ADGRA2: variants seen among roughly 807,000 people sequenced by gnomAD.
ADGRA2 encodes the protein G-protein coupled receptor 124.
ADGRA2 carries 61 observed loss-of-function variants against 98.7 expected under a neutral mutation model. That is an observed-to-expected ratio of 0.62 (90% CI 0.50 to 0.76). The LOEUF (loss-of-function observed/expected upper bound fraction) is 0.76. Among genes scored for constraint, ADGRA2 ranks in the 30% least tolerant of loss-of-function variants. ADGRA2 has a pLI of 0.00. For synonymous variants in ADGRA2, 858 were observed against 831.5 expected, an observed-to-expected ratio of 1.03 and a Z score of -0.55; for missense variants, 1,712 against 1,860.0, an observed-to-expected ratio of 0.92 and a Z score of 1.46.
chr8:37,835,638 G>T lies in ADGRA2; in HGVS notation c.1918G>T (p.Asp640Tyr), dbSNP rs781749311. ...PAALAPPVPPDCTLQLLVFRN... is the reference protein window; with the variant it reads ...PAALAPPVPPYCTLQLLVFRN... ...TGCCCTGGCTCCCCCGGTGCCCCCA[G>T]ACTGCACCCTGCAACTGCTCGTCTT... The change falls in exon 13 of 19, where the codon GAC becomes TAC. Residue 640 changes from aspartate (D) to tyrosine (Y), a missense_variant. Asp to Tyr is a radical substitution (Grantham distance 160). Transcript: ENST00000412232. 1 of 1,613,634 alleles carries T rather than the reference G, an allele frequency of 6.2e-7. No homozygotes were observed. The highest frequency in any genetic ancestry group is 1.7e-5 in the Admixed American group (1 of 60,018).
At position 37,830,415 on chromosome 8, in the gene ADGRA2, A is replaced by G. The variant is rs1279028391; in HGVS notation, c.719-295A>G. Among the ~76,000 whole-genome samples, 1 of 151,942 alleles carries G rather than the reference A, an allele frequency of 6.6e-6. No individual in the cohort carries two copies. Among genetic ancestry groups the G allele is most frequent in the Non-Finnish European group, 1.5e-5 (1 of 67,988 alleles). On this transcript the variant is annotated intron_variant, in intron 6 of 18. Coordinates refer to ENST00000412232, the MANE Select transcript of ADGRA2 (RefSeq NM_032777.10). This position sits in a 1 kb window ranked among gnomAD's most constrained non-coding sequence, Gnocchi z 4.8. ...CTCGGTGTCCCGGGGTCAGTCCTCC[A>G]TCAGCTTTTCTAAGCCCCCTTGGGA... is the stretch of plus-strand genomic sequence containing the variant.
chr8:37,803,631 G>A (rs754866917), intron 1 of ADGRA2, among the ~76,000 whole-genome samples: 1 of 152,102 alleles, frequency 6.6e-6, no homozygotes, highest in Non-Finnish European at 1.5e-5. Flanking sequence ...TTGCTTTCAG[G>A]ACTGGGTTAT....
In ADGRA2 at chr8:37,813,400, C is replaced by T. The variant is rs140170134; in HGVS notation, c.267-1496C>T. Reference sequence around the variant, plus strand: ...GAAGTGAAATAAAACTATCCTAACTCATAAAATGAGAATAATAAATAAAAT... The same window carrying T: ...GAAGTGAAATAAAACTATCCTAACTTATAAAATGAGAATAATAAATAAAAT... On this transcript the variant is annotated intron_variant, in intron 1 of 18. Transcript: ENST00000412232. 4.1e-4 allele frequency among the ~76,000 whole-genome samples: 63 copies of T among 152,254 alleles called. 1 individual carries two copies. In the East Asian group the frequency reaches 0.011, roughly 28 times the overall value.
chr8:37,826,571 T>A (rs990954301), intron 2 of ADGRA2, among the ~76,000 whole-genome samples: 1 of 151,978 alleles, frequency 6.6e-6, no homozygotes, highest in African/African-American at 2.4e-5. Flanking sequence ...GCCGGCTGAG[T>A]CCTTCGAGTC....
At chr8:37,828,830 G>A in intron 2 of ADGRA2, 58 bp from the exon 3 acceptor site, 1 of 1,404,648 alleles carries the variant, frequency 7.1e-7, no homozygotes, top group Non-Finnish European at 9.8e-7. Flanking sequence ...ACCCCTCCCG[G>A]GGAGCAGGGC....
chr8:37,831,281 A>G lies in ADGRA2; in HGVS notation c.933-142A>G, dbSNP rs575277919. 1.2e-5 allele frequency: 9 copies of G among 728,338 alleles called. No homozygotes were observed. In the African/African-American group the frequency reaches 1.6e-4, roughly 13 times the overall value. 45.1% of individuals were successfully genotyped at this position (728,338 alleles called of 1,614,324 possible). A position where few individuals can be genotyped will look rare whatever the true frequency, so the allele number is the denominator to read the frequency against. ...AAAACAGTATCATAAGGCCAATCAG[A>G]ATAAAAGGAGTGCATACTTGCATCC... is the stretch of plus-strand genomic sequence containing the variant. On this transcript the variant is annotated intron_variant, in intron 7 of 18. Transcript: ENST00000412232.
rs1472664602 is a variant in ADGRA2 at position 37,834,093 on chromosome 8, G to A, written c.1573G>A (p.Ala525Thr). Residue 525 changes from alanine (A) to threonine (T), a missense_variant, in exon 11 of 19, where the codon GCC becomes ACC. Physicochemically the swap from Ala to Thr is moderately conservative, Grantham distance 58. Transcript: ENST00000412232. The surrounding 1 kb of genome is among the most constrained non-coding windows in gnomAD (Gnocchi z 4.2). ...GGGTGCCCTGGAGCGCATTGGGGGGGCCGCCCTCAGCCCCCATGCCCAGCA... is the reference window on the plus strand; with the variant it reads ...GGGTGCCCTGGAGCGCATTGGGGGGACCGCCCTCAGCCCCCATGCCCAGCA... ...IVGALERIGG[A>T]ALSPHAQHIS... 8 of 1,612,272 alleles carry A rather than the reference G, an allele frequency of 5.0e-6. No homozygotes were observed. Among genetic ancestry groups the A allele is most frequent in the East Asian group, 2.2e-5 (1 of 44,880 alleles).
intron 9 of ADGRA2, 67 bp from the exon 10 acceptor site, chr8:37,833,621 T>A: frequency 1.3e-6 from 2 of 1,529,616 alleles, no homozygotes; most frequent in South Asian, 2.4e-5. Context: ...GAGCAGAGGG[T>A]CCCCAGGGGC....
chr8:37,821,098 G>C (rs1220258030), intron 2 of ADGRA2, among the ~76,000 whole-genome samples: 1 of 152,150 alleles, frequency 6.6e-6, no homozygotes, highest in Non-Finnish European at 1.5e-5. Flanking sequence ...GCATGGCCAA[G>C]ACTGTTTCTT....
At chr8:37,823,572 C>T (rs1374295214) in intron 2 of ADGRA2, among the ~76,000 whole-genome samples, 3 of 152,148 alleles carry the variant, frequency 2.0e-5, no homozygotes, top group African/African-American at 7.2e-5. Flanking sequence ...GTGGATGTAT[C>T]TGTATTTCTC....
intron 1 of ADGRA2, among the ~76,000 whole-genome samples, chr8:37,813,950 C>A (rs1204055383): frequency 6.6e-6 from 1 of 152,244 alleles, no homozygotes; most frequent in African/African-American, 2.4e-5. Context: ...CAAGGAAAGG[C>A]CCAGGGCCTG....
rs1804932211 is a variant in ADGRA2, at chr8:37,814,839, C to T, written c.267-57C>T. 1.1e-5 allele frequency: 14 copies of T among 1,310,526 alleles called. No homozygotes were observed. Among genetic ancestry groups the T allele is most frequent in the South Asian group, 3.5e-5 (3 of 84,528 alleles). The allele number at this position is 1,310,526 out of a possible 1,614,324, so 81.2% of individuals were successfully genotyped here. On this transcript the variant is annotated intron_variant, in intron 1 of 18. Coordinates refer to ENST00000412232, the MANE Select transcript of ADGRA2 (RefSeq NM_032777.10). The surrounding 1 kb of genome is among the most constrained non-coding windows in gnomAD (Gnocchi z 4.3). ...AAGCTGGCCCCACCAGTGGTGAAAG[C>T]GGATGCCCAGCACATAACAGCACCT...
In ADGRA2 at chr8:37,797,399, G is replaced by T; in HGVS notation, c.131G>T (p.Cys44Phe). Residue 44 changes from cysteine to phenylalanine, a missense_variant, in exon 1 of 19, where the codon TGC becomes TTC. Coordinates refer to ENST00000412232, the MANE Select transcript of ADGRA2 (RefSeq NM_032777.10). The surrounding 1 kb of genome is among the most constrained non-coding windows in gnomAD (Gnocchi z 5.3). ...APGCPLSIRS[C>F]KCSGERPKGL... ...GGCTGCCCGCTATCCATCCGCAGCT[G>T]CAAGTGCTCGGGGGAGCGGCCCAAG... 7.0e-7 allele frequency: 1 copy of T among 1,434,170 alleles called. No individual in the cohort carries two copies. Among genetic ancestry groups the T allele is most frequent in the Non-Finnish European group, 9.2e-7 (1 of 1,092,074 alleles). 88.8% of individuals were successfully genotyped at this position (1,434,170 alleles called of 1,614,324 possible). A position where few individuals can be genotyped will look rare whatever the true frequency, so the allele number is the denominator to read the frequency against.
At position 37,833,283 on chromosome 8, in the gene ADGRA2, AG is replaced by A. The variant is rs1805511727; in HGVS notation, c.1296+79del. 4 of 1,204,126 alleles carry A rather than the reference AG, an allele frequency of 3.3e-6. No homozygotes were observed. In the East Asian group the frequency reaches 1.0e-4, roughly 31 times the overall value. The allele number at this position is 1,204,126 out of a possible 1,614,324, so 74.6% of individuals were successfully genotyped here. A position where few individuals can be genotyped will look rare whatever the true frequency, so the allele number is the denominator to read the frequency against. On this transcript the variant is annotated intron_variant, in intron 9 of 18. Transcript: ENST00000412232. Reference sequence around the variant, plus strand: ...AAGGGAGAAGCCAACCTAACGGGCAAGGGGAGCCCTATCTCCGGGCCGCTGG... The same window carrying A: ...AAGGGAGAAGCCAACCTAACGGGCAAGGGAGCCCTATCTCCGGGCCGCTGG...
rs112072986 is a variant in ADGRA2 at position 37,842,416 on chromosome 8, G to A, written c.*61G>A. 1.2e-5 allele frequency: 17 copies of A among 1,412,894 alleles called. No homozygotes were observed. The African/African-American group carries it at 1.7e-4, about 14-fold the overall frequency. 87.5% of individuals were successfully genotyped at this position (1,412,894 alleles called of 1,614,324 possible). ...GCGGCTCGTTCCCCCGCTCCTCGGGGCCCTCCAAGGTGTCTCCGTAGTCAG... is the reference window on the plus strand; with the variant it reads ...GCGGCTCGTTCCCCCGCTCCTCGGGACCCTCCAAGGTGTCTCCGTAGTCAG... On this transcript the variant is annotated 3_prime_UTR_variant, in exon 19 of 19. Transcript: ENST00000412232.
Position 37,831,888 on chromosome 8 carries a change from A to G in ADGRA2, c.1097+301A>G, listed in dbSNP as rs568105388. Reference sequence around the variant, plus strand: ...AGCCTGGCCAACATGGCAAAACCCCATCTCTACCAAAAAGCACAAAAATCA... The same window carrying G: ...AGCCTGGCCAACATGGCAAAACCCCGTCTCTACCAAAAAGCACAAAAATCA... On this transcript the variant is annotated intron_variant, in intron 8 of 18. Transcript: ENST00000412232. Among the ~76,000 whole-genome samples the G allele has an allele frequency of 1.4e-4, 21 of 152,216 alleles. 1 individual carries two copies. The South Asian group carries it at 1.5e-3, about 11-fold the overall frequency.
chr8:37,822,581 A>G (rs901111596), intron 2 of ADGRA2, among the ~76,000 whole-genome samples: 1 of 152,188 alleles, frequency 6.6e-6, no homozygotes, highest in Non-Finnish European at 1.5e-5. Context: ...ATCATCCGCA[A>G]AAGAAACCTT....
chr8:37,797,291 T>C lies in ADGRA2; in HGVS notation c.23T>C (p.Met8Thr), dbSNP rs1478717952. 1.0e-4 allele frequency: 136 copies of C among 1,307,652 alleles called. No homozygotes were observed. Among genetic ancestry groups the C allele is most frequent in the Non-Finnish European group, 1.3e-4 (133 of 1,035,614 alleles). 81.0% of individuals were successfully genotyped at this position (1,307,652 alleles called of 1,614,324 possible). A position where few individuals can be genotyped will look rare whatever the true frequency, so the allele number is the denominator to read the frequency against. ...TTGATGGGCGCCGGGGGACGCAGGA[T>C]GCGGGGGGCGCCCGCGCGCCTGCTG... is the stretch of plus-strand genomic sequence containing the variant. MGAGGRR[M>T]RGAPARLLLP... Residue 8 changes from methionine to threonine, a missense_variant, in exon 1 of 19, where the codon ATG becomes ACG. Coordinates refer to ENST00000412232, the MANE Select transcript of ADGRA2 (RefSeq NM_032777.10). This position sits in a 1 kb window ranked among gnomAD's most constrained non-coding sequence, Gnocchi z 5.3.
At chr8:37,800,385 C>G (rs1804466462) in intron 1 of ADGRA2, among the ~76,000 whole-genome samples, 1 of 152,206 alleles carries the variant, frequency 6.6e-6, no homozygotes, top group East Asian at 1.9e-4. Flanking sequence ...GGTGATCTCT[C>G]AGAGCTCTCC....
Sources: gnomAD v4.1 joint callset for allele counts (sites outside exome capture counted in the v4.1 genomes callset) on GRCh38, gnomAD v4.1.1 for gene constraint, Gnocchi (gnomAD v3.1) non-coding constraint, MANE v1.5 for transcripts, NCBI Gene and HGNC (gene_info 2026-07-23, HGNC 2026-07-21) for gene names.